Variants in HMGXB3 observed in about 807,000 individuals in gnomAD.
The protein encoded by HMGXB3 is HMG-box containing 3.
A neutral mutation model predicts 121.5 loss-of-function variants in HMGXB3; 45 were observed. The observed-to-expected ratio is 0.37, with a 90% confidence interval of 0.29 to 0.47. The LOEUF (loss-of-function observed/expected upper bound fraction) is 0.47, where lower values mean the gene tolerates loss of function less well. HMGXB3 is among the 20% of genes least tolerant of loss of function. HMGXB3 has a pLI of 0.99. For missense variants in HMGXB3, 1,376 were observed against 1,602.2 expected, an observed-to-expected ratio of 0.86 and a Z score of 2.41; for synonymous variants, 590 against 624.1, an observed-to-expected ratio of 0.95 and a Z score of 0.81.
chr5:150,049,812 G>T (rs1189839023), intron 18 of HMGXB3, among the ~76,000 whole-genome samples: 2 of 152,156 alleles, frequency 1.3e-5, no homozygotes, highest in Non-Finnish European at 2.9e-5. Context: ...AGCCCACTGG[G>T]GTCTGGTGGG....
At chr5:150,026,646 C>A in intron 7 of HMGXB3, 60 bp from the exon 8 acceptor site, 1 of 1,397,236 alleles carries the variant, frequency 7.2e-7, no homozygotes, top group South Asian at 1.3e-5. Context: ...GTAGAGATTG[C>A]GCTTTGGTTT....
Position 150,004,793 on chromosome 5 carries a change from C to G in HMGXB3, c.-2-58C>G, listed in dbSNP as rs1301793122. On this transcript the variant is annotated intron_variant, in intron 1 of 19. Transcript: ENST00000502717. ...GGTAAGGGGTTATTTGATCAGGAAGCTGCTGCCCCTCTTAGGGGAGATTCT... is the reference window on the plus strand; with the variant it reads ...GGTAAGGGGTTATTTGATCAGGAAGGTGCTGCCCCTCTTAGGGGAGATTCT... The G allele has an allele frequency of 1.6e-5, 19 of 1,200,686 alleles. No individual in the cohort carries two copies. In the African/African-American group the frequency reaches 2.5e-4, roughly 16 times the overall value. The allele number at this position is 1,200,686 out of a possible 1,614,324, so 74.4% of individuals were successfully genotyped here.
At chr5:150,008,698 A>G (rs1755765207) in intron 3 of HMGXB3, among the ~76,000 whole-genome samples, 1 of 152,232 alleles carries the variant, frequency 6.6e-6, no homozygotes, top group Non-Finnish European at 1.5e-5. Context: ...CTTCTAGTCT[A>G]TAAAATGAGT....
In HMGXB3 at chr5:150,000,993, C is replaced by G. The variant is rs1254939141; in HGVS notation, c.-189C>G. ...GTGTCGCCGGGCGGGGCCGCGGGGCCGGGGCTCCTTCAGCCCCCGGGATGC... is the reference window on the plus strand; with the variant it reads ...GTGTCGCCGGGCGGGGCCGCGGGGCGGGGGCTCCTTCAGCCCCCGGGATGC... On this transcript the variant is annotated 5_prime_UTR_variant, in exon 1 of 20. Coordinates refer to ENST00000502717, the MANE Select transcript of HMGXB3 (RefSeq NM_014983.3). 1 of 154,334 alleles carries G rather than the reference C, an allele frequency of 6.5e-6. No homozygotes were observed. The highest frequency in any genetic ancestry group is 1.5e-5 in the Non-Finnish European group (1 of 68,230). 9.6% of individuals were successfully genotyped at this position (154,334 alleles called of 1,614,324 possible). A position where few individuals can be genotyped will look rare whatever the true frequency, so the allele number is the denominator to read the frequency against.
chr5:150,037,575 G>C lies in HMGXB3; in HGVS notation c.2413+48G>C, dbSNP rs6887999. ...CTCAGAGCATCCCAAAGCAGGCTTG[G>C]GAACTGCCTCTATGGATGAGACCTC... On this transcript the variant is annotated intron_variant, in intron 13 of 19. Transcript: ENST00000502717. 4.1e-6 allele frequency: 6 copies of C among 1,448,170 alleles called. No individual in the cohort carries two copies. The South Asian group carries it at 8.7e-5, about 21-fold the overall frequency. The allele number at this position is 1,448,170 out of a possible 1,614,324, so 89.7% of individuals were successfully genotyped here. A position where few individuals can be genotyped will look rare whatever the true frequency, so the allele number is the denominator to read the frequency against.
chr5:150,042,138 A>G (rs1214475019), intron 15 of HMGXB3, among the ~76,000 whole-genome samples, 169 bp downstream of exon 15: 1 of 152,244 alleles, frequency 6.6e-6, no homozygotes, highest in Non-Finnish European at 1.5e-5. Flanking sequence ...CCAGATGGAA[A>G]TGGAGGCATT....
intron 5 of HMGXB3, among the ~76,000 whole-genome samples, chr5:150,016,002 A>G (rs1204624924): frequency 6.6e-6 from 1 of 152,136 alleles, no homozygotes; most frequent in South Asian, 2.1e-4. Flanking sequence ...ATAACGTTCA[A>G]CCCTTTTATA....
At chr5:150,026,082 G>A (rs1756223706) in intron 7 of HMGXB3, among the ~76,000 whole-genome samples, 1 of 152,148 alleles carries the variant, frequency 6.6e-6, no homozygotes, top group South Asian at 2.1e-4. Flanking sequence ...CACCCGCCTT[G>A]GCCTCCCAAA....
At chr5:150,025,884 G>A (rs946067100) in intron 7 of HMGXB3, among the ~76,000 whole-genome samples, 4 of 151,000 alleles carry the variant, frequency 2.6e-5, no homozygotes, top group Non-Finnish European at 4.4e-5. Flanking sequence ...CGCCCAGGCT[G>A]GAGTGGCGCC....
intron 6 of HMGXB3, among the ~76,000 whole-genome samples, chr5:150,023,947 T>C (rs1260593980): frequency 6.6e-6 from 1 of 152,224 alleles, no homozygotes; most frequent in Non-Finnish European, 1.5e-5. Context: ...CTTTGAATAA[T>C]GTAAAACTAA....
rs1756242208 is a variant in HMGXB3, at chr5:150,026,830, C to A, written c.1585C>A (p.Arg529=). 1 of 1,541,510 alleles carries A rather than the reference C, an allele frequency of 6.5e-7. No homozygotes were observed. Among genetic ancestry groups the A allele is most frequent in the Non-Finnish European group, 8.8e-7 (1 of 1,142,492 alleles). The change falls in exon 8 of 20, where the codon CGA becomes AGA. Residue 529 remains arginine (R), a synonymous_variant. Coordinates refer to ENST00000502717, the MANE Select transcript of HMGXB3 (RefSeq NM_014983.3). ...TTTGCCAGCCCCAGTTAACGTGGGG[C>A]GAGGCAGCAGCATGGGACTGCCCAG... ...AILPAPVNVG[R]GSSMGLPRAR...
intron 19 of HMGXB3, 60 bp from the exon 20 acceptor site, chr5:150,051,665 C>G: frequency 7.5e-7 from 1 of 1,325,830 alleles, no homozygotes; most frequent in Non-Finnish European, 1.0e-6. Context: ...TTCTCGTCAC[C>G]AGATGGGTTC....
chr5:150,052,949 A>AGGAAAAACTCCCTTCTATG lies in HMGXB3; in HGVS notation c.*758_*776dup, dbSNP rs1756972171. 1 of 153,724 alleles carries AGGAAAAACTCCCTTCTATG rather than the reference A, an allele frequency of 6.5e-6. No homozygotes were observed. The highest frequency in any genetic ancestry group is 1.8e-4 in the East Asian group (1 of 5,468). The allele number at this position is 153,724 out of a possible 1,614,324, so 9.5% of individuals were successfully genotyped here. A position where few individuals can be genotyped will look rare whatever the true frequency, so the allele number is the denominator to read the frequency against. On this transcript the variant is annotated 3_prime_UTR_variant, in exon 20 of 20. Coordinates refer to ENST00000502717, the MANE Select transcript of HMGXB3 (RefSeq NM_014983.3). ...GGTCATGACATAACCTAGCAGCAGT[A>AGGAAAAACTCCCTTCTATG]GGAAAAACTCCCTTCTATGAAGGGG...
intron 14 of HMGXB3, 51 bp from the exon 15 acceptor site, chr5:150,041,734 G>T: frequency 4.3e-6 from 6 of 1,410,936 alleles, no homozygotes; most frequent in Non-Finnish European, 5.9e-6. Context: ...ATCCCTAGTG[G>T]CTTCAGTGTC....
intron 6 of HMGXB3, chr5:150,021,713 GACC>G: frequency 2.0e-6 from 1 of 512,026 alleles, no homozygotes; most frequent in Non-Finnish European, 3.9e-6. Context: ...TTAGAACCTT[GACC>G]ACAAGTTTTT....
intron 9 of HMGXB3, 107 bp from the exon 10 acceptor site, chr5:150,030,631 TAGC>T (rs1275989333): frequency 3.8e-6 from 3 of 794,136 alleles, no homozygotes; most frequent in African/African-American, 3.4e-5. Flanking sequence ...ATTTGGAGAA[TAGC>T]TCTACAAATT....
intron 13 of HMGXB3, among the ~76,000 whole-genome samples, chr5:150,040,116 G>A (rs1022229486): frequency 6.6e-6 from 1 of 152,142 alleles, no homozygotes; most frequent in African/African-American, 2.4e-5. Context: ...TGAGGACTGA[G>A]CTGGGTGGGA....
At chr5:150,043,522 G>C (rs771019964) in intron 15 of HMGXB3, among the ~76,000 whole-genome samples, 30 of 152,166 alleles carry the variant, frequency 2.0e-4, no homozygotes, top group Non-Finnish European at 4.0e-4. Flanking sequence ...ACATATTAAG[G>C]GTTGAATGCA....
chr5:150,043,448 C>G (rs1482817267), intron 15 of HMGXB3, among the ~76,000 whole-genome samples: 1 of 152,176 alleles, frequency 6.6e-6, no homozygotes, highest in African/African-American at 2.4e-5. Context: ...CTCATGTGTT[C>G]ACTGATCAGG....
Sources: allele counts gnomAD v4.1 joint callset (sites outside exome capture counted in the v4.1 genomes callset), GRCh38; gene constraint gnomAD v4.1.1; transcripts MANE v1.5; gene names NCBI Gene and HGNC (gene_info 2026-07-23, HGNC 2026-07-21).